The following ZNF423 variants were observed in gnomAD, a reference collection of about 807,000 sequenced individuals.
ZNF423 encodes zinc finger protein 423.
ZNF423 carries 12 observed loss-of-function variants against 95.8 expected under a neutral mutation model. That is an observed-to-expected ratio of 0.13 (90% CI 0.08 to 0.20). The LOEUF is 0.20. Among genes scored for constraint, ZNF423 ranks in the 10% least tolerant of loss-of-function variants. The pLI, the probability that ZNF423 is intolerant of heterozygous loss-of-function variation, is 1.00. For synonymous variants in ZNF423, 749 were observed against 711.9 expected (o/e 1.05, Z -0.83); for missense variants, 1,316 against 1,737.1 (o/e 0.76, Z 4.31).
chr16:49,818,375 T>C (rs1465436812), intron 1 of ZNF423, among the ~76,000 whole-genome samples: 7 of 151,980 alleles, frequency 4.6e-5, no homozygotes, highest in African/African-American at 1.7e-4. Context: ...TCCAATACAG[T>C]CGCTACTACC....
intron 2 of ZNF423, among the ~76,000 whole-genome samples, chr16:49,782,768 G>A (rs1200999983): frequency 6.6e-6 from 1 of 152,076 alleles, no homozygotes. Context: ...CCAGAACCCA[G>A]CCTGGAGAGG....
rs953862247 is a variant in ZNF423 at position 49,491,185 on chromosome 16, G to T, written c.*90C>A. Reference sequence around the variant, plus strand: ...AGAGTTTTACATCTGGGTTGCAAATGACACTTTGATTGGATGTAATGTTCA... The same window carrying T: ...AGAGTTTTACATCTGGGTTGCAAATTACACTTTGATTGGATGTAATGTTCA... On this transcript the variant is annotated 3_prime_UTR_variant, in exon 8 of 8. Transcript: ENST00000563137. The T allele has an allele frequency of 2.0e-6, 3 of 1,522,400 alleles. No individual in the cohort carries two copies. The highest frequency in any genetic ancestry group is 1.1e-5 in the South Asian group (1 of 89,154). 94.3% of individuals were successfully genotyped at this position (1,522,400 alleles called of 1,614,324 possible).
At chr16:49,670,874 G>T (rs2030775731) in intron 3 of ZNF423, among the ~76,000 whole-genome samples, 1 of 152,212 alleles carries the variant, frequency 6.6e-6, no homozygotes, top group African/African-American at 2.4e-5. Flanking sequence ...AAGTGTGTGG[G>T]CTCTTTAAAA....
At chr16:49,740,096 C>T (rs1052658742) in intron 2 of ZNF423, among the ~76,000 whole-genome samples, 3 of 152,000 alleles carry the variant, frequency 2.0e-5, no homozygotes, top group African/African-American at 7.3e-5. Context: ...CTCAAACTCC[C>T]AGCCTCAAGT....
At chr16:49,548,077 C>G (rs1969503553) in intron 5 of ZNF423, among the ~76,000 whole-genome samples, 1 of 152,160 alleles carries the variant, frequency 6.6e-6, no homozygotes, top group African/African-American at 2.4e-5. Flanking sequence ...GAGGGGTGAT[C>G]TCATGTGGAG....
chr16:49,816,694 G>A (rs1047660399), intron 1 of ZNF423, among the ~76,000 whole-genome samples: 2 of 152,096 alleles, frequency 1.3e-5, no homozygotes, highest in Non-Finnish European at 2.9e-5. Flanking sequence ...TGAGGTGGGA[G>A]GATTGCTTGA....
At chr16:49,606,850 C>T (rs903300859) in intron 5 of ZNF423, among the ~76,000 whole-genome samples, 5 of 152,040 alleles carry the variant, frequency 3.3e-5, no homozygotes, top group South Asian at 2.1e-4. Context: ...CCCAAGTCTC[C>T]GAGCAGAGAA....
chr16:49,853,200 G>A (rs910911782), intron 1 of ZNF423, among the ~76,000 whole-genome samples: 1 of 147,722 alleles, frequency 6.8e-6, no homozygotes, highest in African/African-American at 2.5e-5. Flanking sequence ...GCACTTTCAA[G>A]CATCTTTAAA....
At chr16:49,607,812 C>T (rs1417730933) in intron 5 of ZNF423, among the ~76,000 whole-genome samples, 1 of 152,224 alleles carries the variant, frequency 6.6e-6, no homozygotes, top group Non-Finnish European at 1.5e-5. Flanking sequence ...AATTCCACAA[C>T]AGCTTCCTAA....
At chr16:49,541,656 T>G (rs1465144275) in intron 5 of ZNF423, among the ~76,000 whole-genome samples, 1 of 152,176 alleles carries the variant, frequency 6.6e-6, no homozygotes, top group Non-Finnish European at 1.5e-5. Context: ...AAATCTCACC[T>G]TGAATTTTAA....
At chr16:49,546,827 G>C (rs1313829565) in intron 5 of ZNF423, among the ~76,000 whole-genome samples, 1 of 152,084 alleles carries the variant, frequency 6.6e-6, no homozygotes, top group East Asian at 1.9e-4. Context: ...CCCTGTGAAA[G>C]AGAATTCATT....
chr16:49,556,244 A>T (rs1969823351), intron 5 of ZNF423, among the ~76,000 whole-genome samples: 1 of 152,186 alleles, frequency 6.6e-6, no homozygotes, highest in Admixed American at 6.5e-5. Context: ...TCTCATGCTG[A>T]AGACTGACTT....
chr16:49,637,706 G>A lies in ZNF423; in HGVS notation c.1470C>T (p.Cys490=). Residue 490 remains cysteine (C), a synonymous_variant, in exon 4 of 8, where the codon TGC becomes TGT. Transcript: ENST00000563137. The surrounding 1 kb of genome is among the most constrained non-coding windows in gnomAD (Gnocchi z 5.6). ...CGGCGAACATCTCGGGGCAGTAGTT[G>A]CAGTGGAAGGCAGAGATGTTGCCAA... ...MQFGNISAFH[C]NYCPEMFADI... The A allele has an allele frequency of 6.2e-7, 1 of 1,614,190 alleles. No homozygotes were observed. Among genetic ancestry groups the A allele is most frequent in the South Asian group, 1.1e-5 (1 of 91,086 alleles).
At chr16:49,590,086 T>C (rs995813799) in intron 5 of ZNF423, among the ~76,000 whole-genome samples, 1 of 141,282 alleles carries the variant, frequency 7.1e-6, no homozygotes, top group Non-Finnish European at 1.5e-5. Flanking sequence ...GATGTCACCT[T>C]TCCCTGCGCA....
At chr16:49,509,506 G>A (rs1051808907) in intron 7 of ZNF423, among the ~76,000 whole-genome samples, 3 of 152,120 alleles carry the variant, frequency 2.0e-5, no homozygotes, top group East Asian at 1.9e-4. Context: ...ATTGGCGCAC[G>A]GCTGCTGACG....
intron 1 of ZNF423, among the ~76,000 whole-genome samples, chr16:49,831,208 C>CA (rs1203625402): frequency 1.3e-5 from 2 of 152,114 alleles, no homozygotes; most frequent in Non-Finnish European, 2.9e-5. Flanking sequence ...TGACACCACC[C>CA]AGAAATAAAG....
chr16:49,686,623 C>T (rs942961411), intron 3 of ZNF423, among the ~76,000 whole-genome samples: 4 of 152,116 alleles, frequency 2.6e-5, no homozygotes, highest in African/African-American at 9.7e-5. Context: ...TCCAATCACC[C>T]CCTCTCCCAC....
chr16:49,723,370 C>G (rs986693089), intron 3 of ZNF423, among the ~76,000 whole-genome samples: 2 of 152,172 alleles, frequency 1.3e-5, no homozygotes, highest in Admixed American at 1.3e-4. Context: ...TTGGGGAAGG[C>G]CAGGCATCTC....
intron 7 of ZNF423, among the ~76,000 whole-genome samples, chr16:49,507,625 C>T (rs962220674): frequency 8.1e-6 from 1 of 122,854 alleles, no homozygotes; most frequent in Non-Finnish European, 1.7e-5. Flanking sequence ...ATGAGTAGAA[C>T]ACATTCCACA....
Sources: allele counts gnomAD v4.1 joint callset (sites outside exome capture counted in the v4.1 genomes callset), GRCh38; gene constraint gnomAD v4.1.1; non-coding constraint Gnocchi (gnomAD v3.1); transcripts MANE v1.5; gene names NCBI Gene and HGNC (gene_info 2026-07-23, HGNC 2026-07-21).